MCF2L: variants seen among roughly 807,000 people sequenced by gnomAD.
The protein encoded by MCF2L is MCF.2 cell line derived transforming sequence like, also known as guanine nucleotide exchange factor DBS.
In MCF2L, 97 loss-of-function variants were observed where a neutral mutation model predicts 153.4. That is an observed-to-expected ratio of 0.63 (90% CI 0.54 to 0.75). The LOEUF (loss-of-function observed/expected upper bound fraction) is 0.75, where lower values mean the gene tolerates loss of function less well. Among genes scored for constraint, MCF2L ranks in the 30% least tolerant of loss-of-function variants. The pLI, the probability that MCF2L is intolerant of heterozygous loss-of-function variation, is 0.00. For missense variants in MCF2L, 1,347 were observed against 1,495.2 expected, an observed-to-expected ratio of 0.90 and a Z score of 1.64; for synonymous variants, 659 against 632.2, an observed-to-expected ratio of 1.04 and a Z score of -0.64.
At chr13:113,001,714 A>T in intron 1 of MCF2L, 5 of 1,359,582 alleles carry the variant, frequency 3.7e-6, no homozygotes, top group Non-Finnish European at 4.7e-6. Context: ...CTCCTTAATC[A>T]GGGACATCGA....
Position 112,928,356 on chromosome 13 carries a change from C to T in MCF2L, c.169+25985C>T, listed in dbSNP as rs77671521. Among the ~76,000 whole-genome samples, 75 of 152,356 alleles carry T rather than the reference C, an allele frequency of 4.9e-4. 5 individuals are homozygous for T. In the East Asian group the frequency reaches 0.014, roughly 29 times the overall value. On this transcript the variant is annotated intron_variant, in intron 2 of 29. Coordinates refer to the MCF2L transcript ENST00000375608. ...ACACTGCCCTACCTGCTTGATTCCTCAGTCTTCTAAGCACTGCTGTGGTCT... is the reference window on the plus strand; with the variant it reads ...ACACTGCCCTACCTGCTTGATTCCTTAGTCTTCTAAGCACTGCTGTGGTCT...
intron 26 of MCF2L, 51 bp downstream of exon 26, chr13:113,089,779 C>T (rs778302427): frequency 1.9e-6 from 3 of 1,595,032 alleles, no homozygotes; most frequent in Admixed American, 3.4e-5. Context: ...CACGGAGCTG[C>T]TCACGGAGTG....
intron 1 of MCF2L, among the ~76,000 whole-genome samples, chr13:112,987,877 C>A (rs543428576): frequency 1.3e-5 from 2 of 152,388 alleles, no homozygotes; most frequent in East Asian, 3.9e-4. Context: ...ATGACCAGAA[C>A]TGACCCTGCC....
At chr13:113,018,163 C>T (rs57258740) in intron 2 of MCF2L, among the ~76,000 whole-genome samples, 32,635 of 152,144 alleles carry the variant, frequency 0.21, 4,213 homozygotes, top group African/African-American at 0.36. Flanking sequence ...GTGAGGGATG[C>T]GTAAACCTCG....
At chr13:113,094,340 G>A (rs1264332383) in intron 26 of MCF2L, 174 bp from the exon 27 acceptor site, 2 of 520,938 alleles carry the variant, frequency 3.8e-6, no homozygotes, top group Non-Finnish European at 6.3e-6. Context: ...CATTCTGGAA[G>A]TTTGCAGGGG....
Position 113,028,546 on chromosome 13 carries a change from G to A in MCF2L, c.278+3788G>A, listed in dbSNP as rs1430262205. On this transcript the variant is annotated intron_variant, in intron 3 of 29. Transcript: ENST00000535094. The surrounding 1 kb of genome is among the most constrained non-coding windows in gnomAD (Gnocchi z 5.4). ...CTGGCTGAAGGTGGCCGGAGCGCAG[G>A]CCCAGTCCCCGCTGTGGACACGCGG... Among the ~76,000 whole-genome samples the A allele has an allele frequency of 6.6e-6, 1 of 152,212 alleles. No homozygotes were observed. The highest frequency in any genetic ancestry group is 6.5e-5 in the Admixed American group (1 of 15,282).
At chr13:113,018,695 A>T (rs1424407800) in intron 2 of MCF2L, among the ~76,000 whole-genome samples, 6 of 152,212 alleles carry the variant, frequency 3.9e-5, no homozygotes, top group Non-Finnish European at 8.8e-5. Context: ...GGGCGGGAGA[A>T]TTTACCACTG....
chr13:112,945,382 G>T (rs1031209281), intron 2 of MCF2L, among the ~76,000 whole-genome samples: 6 of 152,188 alleles, frequency 3.9e-5, no homozygotes, highest in Admixed American at 1.3e-4. Flanking sequence ...TGGGGCAGAG[G>T]GGGAGTATAC....
At chr13:112,968,330 G>A, upstream of MCF2L, 5 of 1,217,776 alleles carry the variant, frequency 4.1e-6, no homozygotes, top group Non-Finnish European at 5.6e-6. Flanking sequence ...GGTTTTGGGC[G>A]AGGAGAGCTC....
Position 112,917,191 on chromosome 13 carries a change from C to T in MCF2L, c.169+14820C>T, listed in dbSNP as rs78162697. Reference sequence around the variant, plus strand: ...CCTAGTCCACAGCTCCAGTCCGGACCCCTCCCCCGGGCACTGCACCGCCCT... The same window carrying T: ...CCTAGTCCACAGCTCCAGTCCGGACTCCTCCCCCGGGCACTGCACCGCCCT... On this transcript the variant is annotated intron_variant, in intron 2 of 29. Transcript: ENST00000375608. 4.6e-3 allele frequency: 2,182 copies of T among 471,102 alleles called. 40 individuals carry two copies. The highest frequency in any genetic ancestry group is 0.039 in the African/African-American group (1,951 of 50,192). The allele number at this position is 471,102 out of a possible 1,614,324, so 29.2% of individuals were successfully genotyped here. A position where few individuals can be genotyped will look rare whatever the true frequency, so the allele number is the denominator to read the frequency against.
Position 113,031,181 on chromosome 13 carries a change from CAGAGACAG to C in MCF2L, c.278+6435_278+6442del, listed in dbSNP as rs1198994791. Among the ~76,000 whole-genome samples, 4 of 139,448 alleles carry C rather than the reference CAGAGACAG, an allele frequency of 2.9e-5. No homozygotes were observed. Among genetic ancestry groups the C allele is most frequent in the Non-Finnish European group, 6.2e-5 (4 of 64,404 alleles). 91.5% of individuals were successfully genotyped at this position (139,448 alleles called of 152,430 possible). ...GAGAGAAGAGACAGAGAGTGACAGA[CAGAGACAG>C]AGAGACAGAGACAGACAGAGACAGA... On this transcript the variant is annotated intron_variant, in intron 3 of 29. Coordinates refer to ENST00000535094, the MANE Select transcript of MCF2L (RefSeq NM_001112732.3). The surrounding 1 kb of genome is among the most constrained non-coding windows in gnomAD (Gnocchi z 5.5).
At chr13:112,995,226 C>T (rs114885365) in intron 1 of MCF2L, among the ~76,000 whole-genome samples, 2 of 152,334 alleles carry the variant, frequency 1.3e-5, no homozygotes, top group African/African-American at 2.4e-5. Context: ...TCTGAGGGCA[C>T]GAAGCTCATG....
At chr13:112,931,521 A>G (rs1356295340) in intron 2 of MCF2L, among the ~76,000 whole-genome samples, 1 of 152,192 alleles carries the variant, frequency 6.6e-6, no homozygotes, top group African/African-American at 2.4e-5. Context: ...AGCTTAGTGC[A>G]GATACAGGTG....
intron 2 of MCF2L, among the ~76,000 whole-genome samples, chr13:112,912,655 C>T (rs542765654): frequency 5.9e-5 from 9 of 152,168 alleles, no homozygotes; most frequent in Non-Finnish European, 1.2e-4. Flanking sequence ...CTCATTGTGT[C>T]ATTTCTTTTT....
chr13:112,919,495 G>A (rs1009446008), intron 2 of MCF2L, among the ~76,000 whole-genome samples: 3 of 152,060 alleles, frequency 2.0e-5, no homozygotes, highest in East Asian at 1.9e-4. Context: ...GTGAGCCACC[G>A]CGCCCGGCCA....
chr13:112,897,297 G>A (rs530538375), intron 1 of MCF2L, among the ~76,000 whole-genome samples: 266 of 152,216 alleles, frequency 1.7e-3, no homozygotes, highest in Middle Eastern at 0.014. Flanking sequence ...CATCTGTGAG[G>A]GCCACCATCG....
intron 27 of MCF2L, chr13:113,095,234 T>G: frequency 8.2e-7 from 1 of 1,215,450 alleles, no homozygotes. Flanking sequence ...CTGCTGCACC[T>G]TCTGTGCTGT....
intron 3 of MCF2L, among the ~76,000 whole-genome samples, chr13:113,026,343 G>A (rs1037050774): frequency 6.6e-6 from 1 of 151,936 alleles, no homozygotes. Context: ...TGAGTTCCCC[G>A]TGGCTTTGCT....
chr13:113,093,326 A>G (rs1330780893), intron 26 of MCF2L, among the ~76,000 whole-genome samples: 2 of 152,246 alleles, frequency 1.3e-5, no homozygotes, highest in African/African-American at 4.8e-5. Flanking sequence ...GGAAGGCTCA[A>G]CTGCCTCCAG....
Sources: allele counts gnomAD v4.1 joint callset (sites outside exome capture counted in the v4.1 genomes callset), GRCh38; gene constraint gnomAD v4.1.1; non-coding constraint Gnocchi (gnomAD v3.1); transcripts MANE v1.5; gene names NCBI Gene and HGNC (gene_info 2026-07-23, HGNC 2026-07-21).